The following HECA variants were observed in gnomAD, a reference collection of about 807,000 sequenced individuals.
HECA encodes HECA ribonucleoprotein granule regulator.
Under a neutral mutation model 37.6 loss-of-function variants are expected in HECA, and 13 were observed. That is an observed-to-expected ratio of 0.35 (90% CI 0.23 to 0.55). The LOEUF is 0.55. HECA is among the 20% of genes least tolerant of loss of function. The pLI is 0.90. For missense variants in HECA, 527 were observed against 701.9 expected (o/e 0.75, Z 2.82); for synonymous variants, 307 against 291.5 (o/e 1.05, Z -0.54).
At chr6:139,169,226 A>G (rs1309622978) in intron 2 of HECA, among the ~76,000 whole-genome samples, 1 of 151,980 alleles carries the variant, frequency 6.6e-6, no homozygotes, top group Admixed American at 6.6e-5. Context: ...TAGACCCCTT[A>G]GATTATTTTT....
intron 1 of HECA, among the ~76,000 whole-genome samples, chr6:139,145,151 A>G (rs760908515): frequency 6.6e-6 from 1 of 152,316 alleles, no homozygotes; most frequent in Non-Finnish European, 1.5e-5. Flanking sequence ...GGGAAATGCT[A>G]TTTTGTACAG....
At chr6:139,138,290 GTTA>G (rs572494895) in intron 1 of HECA, among the ~76,000 whole-genome samples, 144 of 152,162 alleles carry the variant, frequency 9.5e-4, no homozygotes, top group Non-Finnish European at 1.6e-3. Flanking sequence ...TAATGTTAAA[GTTA>G]TTATCGGTAG....
intron 1 of HECA, among the ~76,000 whole-genome samples, chr6:139,164,606 G>T (rs1371044842): frequency 6.6e-6 from 1 of 152,164 alleles, no homozygotes; most frequent in Non-Finnish European, 1.5e-5. Flanking sequence ...TTATTTTGGG[G>T]ATTGGGAGGC....
intron 2 of HECA, among the ~76,000 whole-genome samples, chr6:139,170,965 G>C (rs1774964386): frequency 6.6e-6 from 1 of 152,082 alleles, no homozygotes; most frequent in Admixed American, 6.5e-5. Context: ...TGTGAATTTA[G>C]AAACAAAATT....
At chr6:139,144,613 AC>A (rs1774557180) in intron 1 of HECA, 1 of 152,458 alleles carries the variant, frequency 6.6e-6, no homozygotes, top group Non-Finnish European at 1.5e-5. Context: ...AGAACCGCCC[AC>A]CTAGGTTTAT....
chr6:139,147,137 G>A (rs562816424), intron 1 of HECA, among the ~76,000 whole-genome samples: 2 of 152,254 alleles, frequency 1.3e-5, no homozygotes, highest in Admixed American at 1.3e-4. Context: ...GAAAAGGCTT[G>A]GCTGTAGGGA....
At chr6:139,159,005 G>A (rs903640414) in intron 1 of HECA, among the ~76,000 whole-genome samples, 8 of 152,058 alleles carry the variant, frequency 5.3e-5, no homozygotes, top group East Asian at 1.9e-4. Context: ...CCTGGGAGGC[G>A]GAGGTTGCGG....
intron 2 of HECA, among the ~76,000 whole-genome samples, chr6:139,171,632 C>G (rs1774973970): frequency 6.6e-6 from 1 of 151,926 alleles, no homozygotes; most frequent in Non-Finnish European, 1.5e-5. Context: ...TTTCTTTTTT[C>G]TTTCTTTTTT....
intron 1 of HECA, among the ~76,000 whole-genome samples, chr6:139,152,791 A>T (rs1774666977): frequency 6.6e-6 from 1 of 152,224 alleles, no homozygotes; most frequent in South Asian, 2.1e-4. Flanking sequence ...ATTTATATTA[A>T]AACCTTTTGA....
chr6:139,162,900 TA>T (rs1438483800), intron 1 of HECA, among the ~76,000 whole-genome samples: 1 of 152,120 alleles, frequency 6.6e-6, no homozygotes, highest in Non-Finnish European at 1.5e-5. Flanking sequence ...AACATGGTGT[TA>T]AGGCTCAGCC....
At position 139,135,148 on chromosome 6, in the gene HECA, C is replaced by T. The variant is rs1430281083; in HGVS notation, c.-249C>T. The T allele has an allele frequency of 1.1e-5, 2 of 178,298 alleles. No individual in the cohort carries two copies. Among genetic ancestry groups the T allele is most frequent in the African/African-American group, 4.8e-5 (2 of 42,078 alleles). 11.0% of individuals were successfully genotyped at this position (178,298 alleles called of 1,614,324 possible). On this transcript the variant is annotated 5_prime_UTR_variant, in exon 1 of 4. Coordinates refer to ENST00000367658, the MANE Select transcript of HECA (RefSeq NM_016217.3). The stretch of plus-strand genomic sequence containing the variant: ...CCGGCTCGGGAGCGTCTCGCTTGCG[C>T]CCCGGGCCCGCGGCGCCCGCGCGGC...
intron 1 of HECA, among the ~76,000 whole-genome samples, chr6:139,154,523 G>A (rs1774690239): frequency 6.6e-6 from 1 of 152,250 alleles, no homozygotes; most frequent in African/African-American, 2.4e-5. Context: ...GCAGGGAGTT[G>A]TGAGTTGTAT....
intron 1 of HECA, among the ~76,000 whole-genome samples, chr6:139,149,210 T>G (rs886895778): frequency 2.0e-5 from 3 of 152,190 alleles, no homozygotes; most frequent in Non-Finnish European, 4.4e-5. Context: ...TTGTGCCTTC[T>G]CAGATGTCTG....
intron 1 of HECA, among the ~76,000 whole-genome samples, chr6:139,162,517 AG>A (rs1562246970): frequency 6.6e-6 from 1 of 152,230 alleles, no homozygotes; most frequent in Non-Finnish European, 1.5e-5. Context: ...GTCTGGTTGC[AG>A]AGTCTGAACT....
chr6:139,174,350 A>G, intron 2 of HECA, 35 bp from the exon 3 acceptor site: 3 of 1,571,456 alleles, frequency 1.9e-6, no homozygotes, highest in Non-Finnish European at 2.6e-6. Context: ...GATTTCCATG[A>G]TGGCCACTCA....
chr6:139,140,099 A>C (rs981215656), intron 1 of HECA, among the ~76,000 whole-genome samples: 1 of 152,190 alleles, frequency 6.6e-6, no homozygotes, highest in Non-Finnish European at 1.5e-5. Flanking sequence ...ATTTTGCTGC[A>C]TATTTAGGCC....
chr6:139,160,817 G>T (rs1384829213), intron 1 of HECA, among the ~76,000 whole-genome samples: 2 of 152,292 alleles, frequency 1.3e-5, no homozygotes, highest in East Asian at 1.9e-4. Context: ...AAATACAGCG[G>T]TATAAAATTA....
At chr6:139,154,799 G>C (rs544736227) in intron 1 of HECA, among the ~76,000 whole-genome samples, 14 of 152,330 alleles carry the variant, frequency 9.2e-5, no homozygotes, top group Non-Finnish European at 1.6e-4. Flanking sequence ...AAATCACATA[G>C]ATAAACTATG....
chr6:139,163,310 C>T lies in HECA; in HGVS notation c.272-2974C>T, dbSNP rs1182425815. Among the ~76,000 whole-genome samples, 5 of 151,478 alleles carry T rather than the reference C, an allele frequency of 3.3e-5. No homozygotes were observed. In the East Asian group the frequency reaches 5.9e-4, roughly 18 times the overall value. On this transcript the variant is annotated intron_variant, in intron 1 of 3. Transcript: ENST00000367658. The stretch of plus-strand genomic sequence containing the variant: ...CTGTAGTGCAGAGGTGGAGAAGCAC[C>T]GATGTTACCTGGTGCTCTGGGACAT...
Sources: gnomAD v4.1 joint callset for allele counts (sites outside exome capture counted in the v4.1 genomes callset) on GRCh38, gnomAD v4.1.1 for gene constraint, MANE v1.5 for transcripts, NCBI Gene and HGNC (gene_info 2026-07-23, HGNC 2026-07-21) for gene names.